The following CRACD variants were observed in gnomAD, a reference collection of about 807,000 sequenced individuals.
The protein encoded by CRACD is capping protein-inhibiting regulator of actin dynamics.
A neutral mutation model predicts 106.8 loss-of-function variants in CRACD; 56 were observed. The ratio of observed to expected loss-of-function variants is 0.52; its 90% confidence interval spans 0.42 to 0.66. The LOEUF (loss-of-function observed/expected upper bound fraction) is 0.66. CRACD is among the 30% of genes least tolerant of loss of function. CRACD has a pLI of 0.00. For missense variants in CRACD, 1,730 were observed against 1,623.2 expected (o/e 1.07, Z -1.13); for synonymous variants, 754 against 670.8 (o/e 1.12, Z -1.92).
At chr4:56,140,190 C>G (rs1444197124) in intron 1 of CRACD, among the ~76,000 whole-genome samples, 2 of 152,164 alleles carry the variant, frequency 1.3e-5, no homozygotes, top group African/African-American at 2.4e-5. Flanking sequence ...AGTGACTCTC[C>G]ACGGTTCACT....
At chr4:56,318,159 T>A (rs1044174866) in intron 8 of CRACD, among the ~76,000 whole-genome samples, 1 of 152,048 alleles carries the variant, frequency 6.6e-6, no homozygotes, top group East Asian at 1.9e-4. Context: ...TTTATTTTAT[T>A]GTTTATTATT....
intron 1 of CRACD, among the ~76,000 whole-genome samples, chr4:56,123,090 A>G (rs1366758322): frequency 5.3e-5 from 8 of 152,240 alleles, no homozygotes; most frequent in Admixed American, 5.2e-4. Flanking sequence ...GAAATTTTCA[A>G]TGGTAGTAGA....
intron 5 of CRACD, among the ~76,000 whole-genome samples, chr4:56,310,060 C>T (rs1006734086): frequency 1.3e-5 from 2 of 151,380 alleles, no homozygotes; most frequent in Non-Finnish European, 2.9e-5. Flanking sequence ...CTATAGGAGG[C>T]ATAGTGGGCC....
At chr4:56,131,033 T>A (rs986804105) in intron 1 of CRACD, among the ~76,000 whole-genome samples, 1 of 152,196 alleles carries the variant, frequency 6.6e-6, no homozygotes, top group African/African-American at 2.4e-5. Flanking sequence ...AAATAAAACA[T>A]AACCTGGATG....
At chr4:56,170,684 A>G (rs929842826) in intron 1 of CRACD, among the ~76,000 whole-genome samples, 4 of 152,082 alleles carry the variant, frequency 2.6e-5, no homozygotes, top group African/African-American at 7.2e-5. Context: ...TCTACAAAAA[A>G]TTAAAAATTA....
At chr4:56,093,641 G>A (rs1240061106) in intron 1 of CRACD, among the ~76,000 whole-genome samples, 1 of 152,108 alleles carries the variant, frequency 6.6e-6, no homozygotes, top group Non-Finnish European at 1.5e-5. Flanking sequence ...CTGATGCCAG[G>A]TTCCATTTGA....
intron 1 of CRACD, among the ~76,000 whole-genome samples, chr4:56,073,549 G>A (rs879436763): frequency 1.0e-4 from 15 of 149,696 alleles, no homozygotes; most frequent in Admixed American, 9.9e-4. Flanking sequence ...TTTTTGATGG[G>A]GTTGTTTTTT....
intron 1 of CRACD, among the ~76,000 whole-genome samples, chr4:56,100,675 T>A (rs921464259): frequency 1.3e-5 from 2 of 152,126 alleles, no homozygotes; most frequent in Admixed American, 6.5e-5. Context: ...GGTATCCTCA[T>A]AAGAAGAGGA....
rs761888500 is a variant in CRACD, at chr4:56,316,072, G to T, written c.2570G>T (p.Arg857Leu). ...TTGAGAAGGACCAACTATTCCTTGC[G>T]CTTCAACTGCGACCAACAGGCAGAA... is the stretch of plus-strand genomic sequence containing the variant. ...IKLRRTNYSL[R>L]FNCDQQAEQK... The change falls in exon 8 of 11, where the codon CGC (arginine) becomes CTC (leucine). Residue 857 changes from arginine to leucine, a missense_variant. Arg to Leu is a moderately radical substitution (Grantham distance 102, BLOSUM62 -2). This residue lies in a region of CRACD where 1,620 missense variants were observed against 1,481.6 expected (regional missense o/e 1.09). Coordinates refer to ENST00000682029, the MANE Select transcript of CRACD (RefSeq NM_001393381.1). The T allele has an allele frequency of 9.3e-6, 15 of 1,614,052 alleles. No homozygotes were observed. The highest frequency in any genetic ancestry group is 1.1e-5 in the Non-Finnish European group (13 of 1,180,040).
intron 1 of CRACD, among the ~76,000 whole-genome samples, chr4:56,079,812 C>A (rs527663341): frequency 1.3e-5 from 2 of 152,006 alleles, no homozygotes; most frequent in Admixed American, 6.6e-5. Context: ...CAATGAAAAC[C>A]GTGCAGTAGC....
Position 56,316,150 on chromosome 4 carries a change from C to A in CRACD, c.2648C>A (p.Pro883Gln), listed in dbSNP as rs373533805. The change falls in exon 8 of 11, where the codon CCG becomes CAG. Residue 883 changes from proline to glutamine, a missense_variant. Pro to Gln is a moderately conservative substitution (Grantham distance 76, BLOSUM62 -1). Coordinates refer to ENST00000682029, the MANE Select transcript of CRACD (RefSeq NM_001393381.1). ...ACCGGAGACAGCGCGGATGCAGGGC[C>A]GCCTGCAGCGGGGAGCGCTCGTGGA... ...SSTGDSADAGPPAAGSARGEK... is the reference protein window; with the variant it reads ...SSTGDSADAGQPAAGSARGEK... 7 of 1,614,030 alleles carry A rather than the reference C, an allele frequency of 4.3e-6. No homozygotes were observed. In the African/African-American group the frequency reaches 9.3e-5, roughly 22 times the overall value.
rs1009416844 is a variant in CRACD at position 56,314,564 on chromosome 4, C to G, written c.1062C>G (p.Cys354Trp). ...RRRQEEEEGR[C>W]AEELKRQEEE... ...GGCAGGAGGAGGAGGAAGGAAGATG[C>G]GCGGAGGAGCTCAAAAGGCAGGAGG... is the stretch of plus-strand genomic sequence containing the variant. Residue 354 changes from cysteine to tryptophan, a missense_variant, in exon 8 of 11, where the codon TGC (cysteine) becomes TGG (tryptophan). This residue lies in a region of CRACD where 1,620 missense variants were observed against 1,481.6 expected (regional missense o/e 1.09). Transcript: ENST00000682029. The surrounding 1 kb of genome is among the most constrained non-coding windows in gnomAD (Gnocchi z 4.4). 48 of 1,510,806 alleles carry G rather than the reference C, an allele frequency of 3.2e-5. No homozygotes were observed. The highest frequency in any genetic ancestry group is 3.7e-5 in the Non-Finnish European group (42 of 1,132,408). The allele number at this position is 1,510,806 out of a possible 1,614,324, so 93.6% of individuals were successfully genotyped here.
intron 1 of CRACD, among the ~76,000 whole-genome samples, chr4:56,062,871 A>G (rs1423630967): frequency 6.6e-6 from 1 of 152,146 alleles, no homozygotes; most frequent in African/African-American, 2.4e-5. Context: ...CCTTTTGCTG[A>G]AGATAGAAAC....
chr4:56,302,600 T>C (rs970970678), intron 4 of CRACD, among the ~76,000 whole-genome samples: 5 of 152,254 alleles, frequency 3.3e-5, no homozygotes, highest in African/African-American at 9.6e-5. Context: ...ACACCCGCTC[T>C]TAGCCACTTC....
chr4:56,264,267 G>A (rs992794023), intron 2 of CRACD, among the ~76,000 whole-genome samples: 1 of 152,074 alleles, frequency 6.6e-6, no homozygotes, highest in African/African-American at 2.4e-5. Context: ...AGATTTGAAT[G>A]GGGACAGAGC....
At chr4:56,188,711 C>CACACACACAGAGAG (rs1446016845) in intron 2 of CRACD, among the ~76,000 whole-genome samples, 8 of 113,162 alleles carry the variant, frequency 7.1e-5, no homozygotes, top group African/African-American at 3.1e-4. Flanking sequence ...CACACACACA[C>CACACACACAGAGAG]AGAGAGAGAG....
rs747322227 is a variant in CRACD, at chr4:56,315,810, G to A, written c.2308G>A (p.Gly770Arg). The A allele has an allele frequency of 6.8e-6, 11 of 1,614,188 alleles. No homozygotes were observed. Among genetic ancestry groups the A allele is most frequent in the East Asian group, 4.5e-5 (2 of 44,860 alleles). The change falls in exon 8 of 11, where the codon GGG becomes AGG. Residue 770 changes from glycine (G) to arginine (R), a missense_variant. Gly to Arg is a moderately radical substitution (Grantham distance 125). This residue lies in a region of CRACD where 1,620 missense variants were observed against 1,481.6 expected (regional missense o/e 1.09). Transcript: ENST00000682029. This position sits in a 1 kb window ranked among gnomAD's most constrained non-coding sequence, Gnocchi z 4.1. ...QPPPAGVREL[G>R]KGPEKSEMHR... ...TCCTCCTGCTGGTGTTCGCGAGCTCGGGAAGGGTCCGGAGAAGTCGGAGAT... is the reference window on the plus strand; with the variant it reads ...TCCTCCTGCTGGTGTTCGCGAGCTCAGGAAGGGTCCGGAGAAGTCGGAGAT...
intron 4 of CRACD, among the ~76,000 whole-genome samples, chr4:56,300,136 CA>C (rs1163363456): frequency 5.4e-5 from 8 of 146,892 alleles, no homozygotes; most frequent in East Asian, 2.0e-4. Context: ...GATTTCCTCT[CA>C]AAAAAAAAAG....
Position 56,057,625 on chromosome 4 carries a change from G to GC in CRACD, c.-336+8326_-336+8327insC, listed in dbSNP as rs1235589492. ...TACCAGAGGATTTCAGATAGGTTGG[G>GC]TTTTTTTTTTTTTTTTTTTGGGAGA... On this transcript the variant is annotated intron_variant, in intron 1 of 10. Transcript: ENST00000682029. Among the ~76,000 whole-genome samples the GC allele has an allele frequency of 4.4e-3, 548 of 125,068 alleles. 3 individuals are homozygous for GC. Among genetic ancestry groups the GC allele is most frequent in the African/African-American group, 0.016 (512 of 31,974 alleles). The allele number at this position is 125,068 out of a possible 152,430, so 82.0% of individuals were successfully genotyped here. A position where few individuals can be genotyped will look rare whatever the true frequency, so the allele number is the denominator to read the frequency against.
Sources: gnomAD v4.1 joint callset for allele counts (sites outside exome capture counted in the v4.1 genomes callset) on GRCh38, gnomAD v4.1.1 for gene constraint, gnomAD v4.1.1 regional missense constraint, Gnocchi (gnomAD v3.1) non-coding constraint, MANE v1.5 for transcripts, NCBI Gene and HGNC (gene_info 2026-07-23, HGNC 2026-07-21) for gene names.